Variants in SPAG16 observed in about 807,000 individuals in gnomAD.
The protein encoded by SPAG16 is sperm associated antigen 16.
A neutral mutation model predicts 80.4 loss-of-function variants in SPAG16; 86 were observed. That is an observed-to-expected ratio of 1.07 (90% CI 0.90 to 1.28). The LOEUF is 1.28. Among genes scored for constraint, SPAG16 ranks in the 50% most tolerant of loss-of-function variants. The pLI is 0.00. For missense variants in SPAG16, 870 were observed against 765.3 expected, an observed-to-expected ratio of 1.14 and a Z score of -1.61; for synonymous variants, 294 against 265.9, an observed-to-expected ratio of 1.11 and a Z score of -1.03.
intron 13 of SPAG16, among the ~76,000 whole-genome samples, chr2:214,049,351 G>T (rs1230874317): frequency 6.6e-6 from 1 of 152,034 alleles, no homozygotes; most frequent in Non-Finnish European, 1.5e-5. Context: ...GGATTACCCA[G>T]ACTATAAACA....
At chr2:214,350,230 A>G (rs1698307623) in intron 15 of SPAG16, among the ~76,000 whole-genome samples, 1 of 152,196 alleles carries the variant, frequency 6.6e-6, no homozygotes, top group African/African-American at 2.4e-5. Flanking sequence ...ATATAGAAAA[A>G]TGTCAAACAT....
intron 9 of SPAG16, among the ~76,000 whole-genome samples, chr2:213,391,640 A>T (rs1371513697): frequency 6.6e-6 from 1 of 152,228 alleles, no homozygotes; most frequent in Non-Finnish European, 1.5e-5. Flanking sequence ...ATTTAGACTC[A>T]AGTAATTTTG....
At position 214,188,685 on chromosome 2, in the gene SPAG16, A is replaced by T. The variant is rs184542126; in HGVS notation, c.1720+39419A>T. Among the ~76,000 whole-genome samples, 212 of 152,158 alleles carry T rather than the reference A, an allele frequency of 1.4e-3. 2 individuals are homozygous for T. The highest frequency in any genetic ancestry group is 4.7e-3 in the African/African-American group (197 of 41,546). The stretch of plus-strand genomic sequence containing the variant: ...CTTCTAAGTCTCTTCCTATCCTTAT[A>T]TTTACCTGCTGTGGTTCTGAATACT... On this transcript the variant is annotated intron_variant, in intron 15 of 15. Transcript: ENST00000331683.
intron 12 of SPAG16, among the ~76,000 whole-genome samples, chr2:213,990,939 T>G (rs1049392832): frequency 1.3e-5 from 2 of 152,148 alleles, no homozygotes; most frequent in Non-Finnish European, 2.9e-5. Context: ...AGCAGTAGCT[T>G]ACAGGGATGG....
chr2:214,375,517 G>T (rs987642790), intron 15 of SPAG16, among the ~76,000 whole-genome samples: 4 of 152,054 alleles, frequency 2.6e-5, no homozygotes, highest in African/African-American at 7.2e-5. Flanking sequence ...CTAGACACCT[G>T]TCCATGCCCA....
intron 9 of SPAG16, among the ~76,000 whole-genome samples, chr2:213,395,234 T>C (rs1342387894): frequency 6.6e-6 from 1 of 152,198 alleles, no homozygotes; most frequent in Admixed American, 6.5e-5. Context: ...TGATTTTTGC[T>C]TTTATCTTTA....
intron 13 of SPAG16, among the ~76,000 whole-genome samples, chr2:214,054,114 A>G (rs1181764094): frequency 6.6e-6 from 1 of 151,986 alleles, no homozygotes; most frequent in African/African-American, 2.4e-5. Flanking sequence ...GGTTCAAGCA[A>G]TTCTCCTGCC....
At chr2:213,291,151 T>C (rs2062257623) in intron 1 of SPAG16, among the ~76,000 whole-genome samples, 1 of 152,116 alleles carries the variant, frequency 6.6e-6, no homozygotes, top group Non-Finnish European at 1.5e-5. Flanking sequence ...ATGAGACCTA[T>C]GGTATCTGCT....
At chr2:213,662,570 T>TG (rs1468616832) in intron 10 of SPAG16, among the ~76,000 whole-genome samples, 1 of 152,138 alleles carries the variant, frequency 6.6e-6, no homozygotes, top group Non-Finnish European at 1.5e-5. Flanking sequence ...AGGAATATAA[T>TG]ATGACATATT....
chr2:213,599,652 G>T (rs1381316044), intron 10 of SPAG16, among the ~76,000 whole-genome samples: 3 of 152,150 alleles, frequency 2.0e-5, no homozygotes, highest in African/African-American at 7.2e-5. Flanking sequence ...TATCAGTAAG[G>T]CTTCTTGTCC....
At chr2:214,062,896 C>T (rs1046501974) in intron 13 of SPAG16, among the ~76,000 whole-genome samples, 1 of 152,094 alleles carries the variant, frequency 6.6e-6, no homozygotes, top group Admixed American at 6.6e-5. Context: ...TAGCTCAGCA[C>T]TGTCTAATGA....
intron 10 of SPAG16, among the ~76,000 whole-genome samples, chr2:213,767,816 G>T (rs714567): frequency 5.3e-5 from 8 of 152,186 alleles, no homozygotes; most frequent in Admixed American, 5.2e-4. Context: ...CATTTATTGG[G>T]CAACAAATGA....
At chr2:213,988,303 C>T (rs1243346329) in intron 12 of SPAG16, among the ~76,000 whole-genome samples, 1 of 152,002 alleles carries the variant, frequency 6.6e-6, no homozygotes, top group Non-Finnish European at 1.5e-5. Context: ...AATATACTTT[C>T]TTCTTAAGTA....
In SPAG16 at chr2:213,354,999, C is replaced by T. The variant is rs1054636273; in HGVS notation, c.762+4354C>T. ...TTCTAGGGTTTTTATGGTTTTAGGC[C>T]TTACATTTAAGTATTTAATCCATCG... On this transcript the variant is annotated intron_variant, in intron 7 of 15. Coordinates refer to ENST00000331683, the MANE Select transcript of SPAG16 (RefSeq NM_024532.5). 1.8e-4 allele frequency among the ~76,000 whole-genome samples: 27 copies of T among 152,114 alleles called. 1 individual carries two copies. The highest frequency in any genetic ancestry group is 1.7e-3 in the Admixed American group (26 of 15,260).
intron 10 of SPAG16, among the ~76,000 whole-genome samples, chr2:213,500,625 G>T (rs1052835734): frequency 6.6e-6 from 1 of 152,186 alleles, no homozygotes; most frequent in Non-Finnish European, 1.5e-5. Context: ...CATTACACTA[G>T]TACAACCTAG....
intron 9 of SPAG16, among the ~76,000 whole-genome samples, chr2:213,476,033 C>G (rs555116823): frequency 2.6e-5 from 4 of 152,302 alleles, no homozygotes; most frequent in Admixed American, 6.5e-5. Context: ...AAAGAAAACT[C>G]TCTTAATTTT....
chr2:213,405,103 A>C lies in SPAG16; in HGVS notation c.942+29984A>C, dbSNP rs368735060. ...TAAACACATGCTTTACTTTTTCACT[A>C]CTGTCGAGTGTAACAATGCAACAAG... On this transcript the variant is annotated intron_variant, in intron 9 of 15. Transcript: ENST00000331683. 2.4e-4 allele frequency among the ~76,000 whole-genome samples: 36 copies of C among 152,244 alleles called. 3 individuals carry two copies. The South Asian group carries it at 7.5e-3, about 32-fold the overall frequency.
chr2:213,956,530 C>A (rs1277490724), intron 12 of SPAG16, among the ~76,000 whole-genome samples: 4 of 150,822 alleles, frequency 2.7e-5, no homozygotes, highest in Admixed American at 6.6e-5. Flanking sequence ...TCACTGCAAC[C>A]GCCGCCTCCC....
chr2:213,716,001 A>G (rs138530138), intron 10 of SPAG16, among the ~76,000 whole-genome samples: 40 of 152,224 alleles, frequency 2.6e-4, no homozygotes, highest in Non-Finnish European at 4.4e-4. Context: ...AAGGATTAAT[A>G]TTGCCCTCAT....
Sources: allele counts gnomAD v4.1 joint callset (sites outside exome capture counted in the v4.1 genomes callset), GRCh38; gene constraint gnomAD v4.1.1; transcripts MANE v1.5; gene names NCBI Gene and HGNC (gene_info 2026-07-23, HGNC 2026-07-21).